Variants in SLC4A4 observed in about 807,000 individuals in gnomAD.
SLC4A4 encodes the protein electrogenic sodium bicarbonate cotransporter 1.
In SLC4A4, 27 loss-of-function variants were observed where a neutral mutation model predicts 111.5. The observed-to-expected ratio is 0.24, with a 90% CI of 0.18 to 0.33. The LOEUF is 0.33. SLC4A4 is among the 10% of genes least tolerant of loss of function. SLC4A4 has a pLI of 1.00. For synonymous variants in SLC4A4, 443 were observed against 463.4 expected, an observed-to-expected ratio of 0.96 and a Z score of 0.57; for missense variants, 909 against 1,315.5, an observed-to-expected ratio of 0.69 and a Z score of 4.78.
At chr4:71,165,560 G>C (rs1744721710) in intron 2 of SLC4A4, among the ~76,000 whole-genome samples, 1 of 151,984 alleles carries the variant, frequency 6.6e-6, no homozygotes, top group Non-Finnish European at 1.5e-5. Context: ...TCAGGGGGTG[G>C]GGGACTAGGG....
intron 23 of SLC4A4, among the ~76,000 whole-genome samples, chr4:71,561,872 C>T (rs1737007691): frequency 6.6e-6 from 1 of 151,768 alleles, no homozygotes; most frequent in Non-Finnish European, 1.5e-5. Flanking sequence ...AATATGTCAA[C>T]TTATGTACCT....
At chr4:71,304,406 C>T (rs898062320) in intron 3 of SLC4A4, among the ~76,000 whole-genome samples, 2 of 151,896 alleles carry the variant, frequency 1.3e-5, no homozygotes, top group African/African-American at 2.4e-5. Flanking sequence ...GATGAATGCC[C>T]CAGCTTAAAC....
chr4:71,334,168 C>A (rs1578859238), intron 3 of SLC4A4, among the ~76,000 whole-genome samples: 1 of 152,256 alleles, frequency 6.6e-6, no homozygotes, highest in East Asian at 1.9e-4. Context: ...AGGTCCATGG[C>A]AAGTACTTCC....
intron 2 of SLC4A4, among the ~76,000 whole-genome samples, chr4:71,110,311 C>A (rs781631100): frequency 2.6e-5 from 4 of 152,060 alleles, no homozygotes; most frequent in Non-Finnish European, 5.9e-5. Context: ...ACATTCCAGG[C>A]TCAAGAGATC....
chr4:71,332,031 A>G (rs1445778750), intron 3 of SLC4A4, among the ~76,000 whole-genome samples: 1 of 152,072 alleles, frequency 6.6e-6, no homozygotes, highest in Non-Finnish European at 1.5e-5. Context: ...ATGTCTGCCT[A>G]TTCATCTCTG....
intron 1 of SLC4A4, among the ~76,000 whole-genome samples, chr4:71,202,471 G>A (rs543505990): frequency 1.3e-5 from 2 of 152,190 alleles, no homozygotes; most frequent in East Asian, 3.9e-4. Flanking sequence ...TAATTGCACC[G>A]TTAACATTAA....
chr4:71,356,985 T>G (rs746346110), intron 5 of SLC4A4, 23 bp from the exon 6 acceptor site: 3 of 1,612,934 alleles, frequency 1.9e-6, no homozygotes, highest in East Asian at 4.5e-5. Flanking sequence ...GAGTTTTGTT[T>G]TTTGCTTTTG....
At chr4:71,298,258 C>CATCAAAACCCAAAGGTAT (rs1343887904) in intron 3 of SLC4A4, among the ~76,000 whole-genome samples, 1 of 152,110 alleles carries the variant, frequency 6.6e-6, no homozygotes, top group Non-Finnish European at 1.5e-5. Flanking sequence ...CAGCTTGGGT[C>CATCAAAACCCAAAGGTAT]ATCAAAAGGT....
intron 2 of SLC4A4, among the ~76,000 whole-genome samples, chr4:71,142,504 ACTTT>A (rs1035809390): frequency 6.6e-6 from 1 of 151,926 alleles, no homozygotes; most frequent in Non-Finnish European, 1.5e-5. Context: ...TAAATTTCTT[ACTTT>A]CTTTCTTTTT....
At chr4:71,201,196 G>T (rs1383233108) in intron 1 of SLC4A4, among the ~76,000 whole-genome samples, 1 of 152,172 alleles carries the variant, frequency 6.6e-6, no homozygotes, top group Non-Finnish European at 1.5e-5. Context: ...GAAGAGGGAG[G>T]AGCTGAAGAG....
At chr4:71,107,770 T>A (rs1742982105) in intron 2 of SLC4A4, among the ~76,000 whole-genome samples, 1 of 151,970 alleles carries the variant, frequency 6.6e-6, no homozygotes, top group Non-Finnish European at 1.5e-5. Context: ...TACAGTGGTA[T>A]GATCATAGCT....
intron 2 of SLC4A4, among the ~76,000 whole-genome samples, chr4:71,179,585 T>A: frequency 6.6e-6 from 1 of 151,854 alleles, no homozygotes; most frequent in Non-Finnish European, 1.5e-5. Flanking sequence ...AAATCATGAG[T>A]GAACTCCCAT....
intron 7 of SLC4A4, among the ~76,000 whole-genome samples, chr4:71,424,585 C>G (rs1476617642): frequency 6.6e-6 from 1 of 152,034 alleles, no homozygotes; most frequent in Non-Finnish European, 1.5e-5. Context: ...AGACTTGGAA[C>G]CAACCCAAAT....
intron 16 of SLC4A4, among the ~76,000 whole-genome samples, chr4:71,507,865 C>G (rs929841921): frequency 2.0e-5 from 3 of 152,182 alleles, no homozygotes; most frequent in East Asian, 3.9e-4. Context: ...TCAGCAGATG[C>G]AAAAGAACTG....
intron 7 of SLC4A4, among the ~76,000 whole-genome samples, chr4:71,398,622 C>A (rs1464435049): frequency 6.6e-6 from 1 of 152,020 alleles, no homozygotes; most frequent in African/African-American, 2.4e-5. Flanking sequence ...TTAAAAAAAT[C>A]ATAGAAATCC....
At chr4:71,428,861 AG>A (rs1291599241) in intron 7 of SLC4A4, among the ~76,000 whole-genome samples, 5 of 152,102 alleles carry the variant, frequency 3.3e-5, no homozygotes, top group Non-Finnish European at 7.4e-5. Flanking sequence ...CTTTGCAAAA[AG>A]AACGAGAAAG....
intron 6 of SLC4A4, among the ~76,000 whole-genome samples, chr4:71,365,292 C>T (rs1295901261): frequency 6.6e-6 from 1 of 152,158 alleles, no homozygotes; most frequent in African/African-American, 2.4e-5. Flanking sequence ...AACTGGTTTG[C>T]TGCTGTCAAC....
intron 15 of SLC4A4, among the ~76,000 whole-genome samples, chr4:71,487,969 T>C (rs1729573666): frequency 6.6e-6 from 1 of 151,628 alleles, no homozygotes; most frequent in African/African-American, 2.4e-5. Flanking sequence ...AAAAAGTATG[T>C]GTATATGTTT....
At chr4:71,138,190 A>G (rs1325508243) in intron 2 of SLC4A4, among the ~76,000 whole-genome samples, 1 of 152,216 alleles carries the variant, frequency 6.6e-6, no homozygotes, top group Admixed American at 6.5e-5. Flanking sequence ...AAACACAGTC[A>G]GAGGGGTCAA....
Sources: gnomAD v4.1 joint callset for allele counts (sites outside exome capture counted in the v4.1 genomes callset) on GRCh38, gnomAD v4.1.1 for gene constraint, MANE v1.5 for transcripts, NCBI Gene and HGNC (gene_info 2026-07-23, HGNC 2026-07-21) for gene names.